Variants in RERE observed in about 807,000 individuals in gnomAD.
RERE encodes arginine-glutamic acid dipeptide repeats.
In RERE, 40 loss-of-function variants were observed where a neutral mutation model predicts 146.1. The ratio of observed to expected loss-of-function variants is 0.27; its 90% confidence interval spans 0.21 to 0.36. RERE has a LOEUF of 0.36. Among genes scored for constraint, RERE ranks in the 10% least tolerant of loss-of-function variants. The probability of loss-of-function intolerance (pLI) is 1.00; values close to 1 mark genes in which losing one functional copy is unlikely to be tolerated. For synonymous variants in RERE, 1,003 were observed against 866.0 expected (o/e 1.16, Z -2.78); for missense variants, 1,933 against 2,138.7 (o/e 0.90, Z 1.90).
At chr1:8,788,577 C>G (rs1641302076) in intron 1 of RERE, among the ~76,000 whole-genome samples, 1 of 151,656 alleles carries the variant, frequency 6.6e-6, no homozygotes, top group African/African-American at 2.4e-5. Context: ...GTTGGCCAGG[C>G]TGGTCTCGAA....
intron 4 of RERE, among the ~76,000 whole-genome samples, chr1:8,610,934 T>C (rs2401133): frequency 0.85 from 128,312 of 151,478 alleles, 54,579 homozygotes; most frequent in East Asian, 0.94. Context: ...GTGGCTCACA[T>C]GTGTAATCCC....
intron 11 of RERE, chr1:8,465,618 C>A (rs1036875837): frequency 7.1e-6 from 3 of 421,182 alleles, no homozygotes; most frequent in Non-Finnish European, 1.4e-5. Context: ...AGGGAGGTAT[C>A]ACAAGCTAGC....
chr1:8,548,153 A>C (rs1411218134), intron 6 of RERE, among the ~76,000 whole-genome samples: 1 of 152,232 alleles, frequency 6.6e-6, no homozygotes, highest in Non-Finnish European at 1.5e-5. Context: ...TTAAGAAAAG[A>C]GGCATGTATC....
At chr1:8,649,405 T>G (rs1019410224) in intron 2 of RERE, among the ~76,000 whole-genome samples, 42 of 152,314 alleles carry the variant, frequency 2.8e-4, no homozygotes, top group African/African-American at 7.2e-4. Flanking sequence ...TTTTTTTTAA[T>G]GTTTCTAGAA....
intron 1 of RERE, among the ~76,000 whole-genome samples, chr1:8,661,620 A>G (rs542415931): frequency 1.1e-3 from 165 of 152,254 alleles, no homozygotes; most frequent in African/African-American, 3.9e-3. Context: ...TATGTTTTAA[A>G]GGTAAGAGTC....
intron 1 of RERE, among the ~76,000 whole-genome samples, chr1:8,744,222 T>C (rs1310112983): frequency 6.6e-6 from 1 of 152,232 alleles, no homozygotes; most frequent in Non-Finnish European, 1.5e-5. Flanking sequence ...TCATTAAGGC[T>C]GCCCCTGGGT....
intron 7 of RERE, among the ~76,000 whole-genome samples, chr1:8,531,011 A>T (rs541866149): frequency 0.024 from 613 of 25,858 alleles, 1 homozygote; most frequent in Non-Finnish European, 0.032. Context: ...TGAGTTTTCT[A>T]TCTATCTATC....
At chr1:8,539,832 A>G (rs1433808212) in intron 7 of RERE, among the ~76,000 whole-genome samples, 2 of 152,076 alleles carry the variant, frequency 1.3e-5, no homozygotes, top group African/African-American at 4.8e-5. Flanking sequence ...TATTGAGAGG[A>G]AGAGAGGGAG....
intron 1 of RERE, among the ~76,000 whole-genome samples, chr1:8,705,487 A>G (rs1557493153): frequency 1.3e-5 from 2 of 152,198 alleles, no homozygotes; most frequent in Non-Finnish European, 2.9e-5. Flanking sequence ...TCACTTTTTC[A>G]GAGAAGCTTC....
At chr1:8,699,491 T>C (rs1381088168) in intron 1 of RERE, among the ~76,000 whole-genome samples, 1 of 152,242 alleles carries the variant, frequency 6.6e-6, no homozygotes, top group Non-Finnish European at 1.5e-5. Context: ...TGTCAACTAT[T>C]TCATGGATTA....
At chr1:8,379,961 T>C (rs1456324542) in intron 12 of RERE, among the ~76,000 whole-genome samples, 1 of 152,196 alleles carries the variant, frequency 6.6e-6, no homozygotes, top group Non-Finnish European at 1.5e-5. Context: ...TTAGCCTGCA[T>C]CAAATCCTGG....
intron 4 of RERE, among the ~76,000 whole-genome samples, chr1:8,581,614 T>C (rs1646366669): frequency 6.6e-6 from 1 of 152,244 alleles, no homozygotes; most frequent in South Asian, 2.1e-4. Flanking sequence ...CTCAAATTAA[T>C]GTATGGTATG....
intron 11 of RERE, among the ~76,000 whole-genome samples, chr1:8,444,428 C>T (rs1644291795): frequency 1.3e-5 from 2 of 152,116 alleles, no homozygotes; most frequent in Admixed American, 1.3e-4. Context: ...AGGGACTTGC[C>T]TTGTCTCAGA....
chr1:8,546,665 T>C (rs1426769962), intron 6 of RERE, among the ~76,000 whole-genome samples: 3 of 151,896 alleles, frequency 2.0e-5, no homozygotes, highest in South Asian at 4.2e-4. Context: ...CTGGCCAACA[T>C]AGTGAAACCT....
At chr1:8,555,944 G>C (rs1260656529) in intron 6 of RERE, among the ~76,000 whole-genome samples, 1 of 152,156 alleles carries the variant, frequency 6.6e-6, no homozygotes, top group Non-Finnish European at 1.5e-5. Flanking sequence ...ACAGAAAATG[G>C]AAGAATAGTT....
intron 1 of RERE, among the ~76,000 whole-genome samples, chr1:8,769,672 T>C (rs1557531544): frequency 6.6e-6 from 1 of 152,168 alleles, no homozygotes; most frequent in African/African-American, 2.4e-5. Context: ...TTTGTAGAGA[T>C]GGGGTCTCTG....
At chr1:8,391,930 G>C (rs952766377) in intron 12 of RERE, among the ~76,000 whole-genome samples, 3 of 152,174 alleles carry the variant, frequency 2.0e-5, no homozygotes, top group African/African-American at 7.2e-5. Flanking sequence ...GGGAGGATGA[G>C]GCATGAGAAT....
At chr1:8,448,668 C>T (rs764020532) in intron 11 of RERE, among the ~76,000 whole-genome samples, 3 of 151,922 alleles carry the variant, frequency 2.0e-5, no homozygotes, top group Non-Finnish European at 4.4e-5. Context: ...AAATGCCTGC[C>T]GTGTGCAGAG....
intron 1 of RERE, among the ~76,000 whole-genome samples, chr1:8,706,192 G>A (rs960612604): frequency 7.3e-5 from 11 of 150,378 alleles, no homozygotes; most frequent in African/African-American, 2.4e-4. Flanking sequence ...GGTGGTTCAC[G>A]CCTGTAGTCC....
Sources: gnomAD v4.1 joint callset for allele counts (sites outside exome capture counted in the v4.1 genomes callset) on GRCh38, gnomAD v4.1.1 for gene constraint, MANE v1.5 for transcripts, NCBI Gene and HGNC (gene_info 2026-07-23, HGNC 2026-07-21) for gene names.